Variants in MRPS23 observed in about 807,000 individuals in gnomAD.
The protein encoded by MRPS23 is small ribosomal subunit protein mS23.
Under a neutral mutation model 19.8 loss-of-function variants are expected in MRPS23, and 14 were observed. The ratio of observed to expected loss-of-function variants is 0.71; its 90% CI spans 0.47 to 1.11. The LOEUF is 1.11. Among genes scored for constraint, MRPS23 ranks in the 50% least tolerant of loss-of-function variants. MRPS23 has a pLI of 0.00. For missense variants in MRPS23, 242 were observed against 236.7 expected (o/e 1.02, Z -0.15); for synonymous variants, 113 against 89.7 (o/e 1.26, Z -1.47).
Position 57,839,615 on chromosome 17 carries a change from G to T in MRPS23, c.*168C>A. 2 of 743,114 alleles carry T rather than the reference G, an allele frequency of 2.7e-6. No individual in the cohort carries two copies. Among genetic ancestry groups the T allele is most frequent in the Non-Finnish European group, 2.0e-6 (1 of 491,170 alleles). 46.0% of individuals were successfully genotyped at this position (743,114 alleles called of 1,614,324 possible). ...CATAAAAGTTCACATAACTGCTTCT[G>T]TCAAACCATGATACTGAGCTTTGTG... On this transcript the variant is annotated 3_prime_UTR_variant, in exon 5 of 5. Coordinates refer to ENST00000313608, the MANE Select transcript of MRPS23 (RefSeq NM_016070.4).
chr17:57,849,070 C>T (rs2073794733), intron 2 of MRPS23, 170 bp downstream of exon 2: 1 of 776,256 alleles, frequency 1.3e-6, no homozygotes, highest in Non-Finnish European at 2.0e-6. Flanking sequence ...CTTTTCAGAA[C>T]TTCAGTTTCA....
At position 57,839,646 on chromosome 17, in the gene MRPS23, C is replaced by A. The variant is rs992171808; in HGVS notation, c.*137G>T. ...CCATGATACTGAGCTTTGTGACAAC[C>A]CAGAAATAACTAAGAGAAGGCAAAC... On this transcript the variant is annotated 3_prime_UTR_variant, in exon 5 of 5. Coordinates refer to ENST00000313608, the MANE Select transcript of MRPS23 (RefSeq NM_016070.4). 4.4e-6 allele frequency: 5 copies of A among 1,129,800 alleles called. No individual in the cohort carries two copies. Among genetic ancestry groups the A allele is most frequent in the Non-Finnish European group, 4.9e-6 (4 of 819,776 alleles). The allele number at this position is 1,129,800 out of a possible 1,614,324, so 70.0% of individuals were successfully genotyped here.
chr17:57,845,118 G>A (rs750704450), intron 2 of MRPS23, among the ~76,000 whole-genome samples: 2 of 152,076 alleles, frequency 1.3e-5, no homozygotes, highest in South Asian at 2.1e-4. Flanking sequence ...GGCTGGTTTC[G>A]AACTCCTGAC....
chr17:57,845,369 G>T (rs2073766053), intron 2 of MRPS23, among the ~76,000 whole-genome samples: 1 of 152,138 alleles, frequency 6.6e-6, no homozygotes. Flanking sequence ...GGGTCCCGGG[G>T]TGAAAGCCTG....
At chr17:57,846,887 C>T (rs887438842) in intron 2 of MRPS23, among the ~76,000 whole-genome samples, 2 of 147,242 alleles carry the variant, frequency 1.4e-5, no homozygotes, top group Admixed American at 6.8e-5. Flanking sequence ...TCCCCCTCTC[C>T]GAGAAACACC....
rs551233103 is a variant in MRPS23 at position 57,839,291 on chromosome 17, T to A, written c.*492A>T. On this transcript the variant is annotated 3_prime_UTR_variant, in exon 5 of 5. Transcript: ENST00000313608. ...TCTTACCACAAAGCGCAAGTCAGCT[T>A]GGCCTCTCAAGTGGAGAGATAATCG... The A allele has an allele frequency of 5.2e-5, 8 of 153,446 alleles. No homozygotes were observed. The highest frequency in any genetic ancestry group is 1.4e-4 in the African/African-American group (6 of 41,574). The allele number at this position is 153,446 out of a possible 1,614,324, so 9.5% of individuals were successfully genotyped here. A position where few individuals can be genotyped will look rare whatever the true frequency, so the allele number is the denominator to read the frequency against.
chr17:57,844,427 T>C (rs1295763473), intron 2 of MRPS23, among the ~76,000 whole-genome samples: 2 of 151,446 alleles, frequency 1.3e-5, no homozygotes, highest in African/African-American at 4.8e-5. Flanking sequence ...ATTCTGACAA[T>C]AGTAAAAAAT....
intron 2 of MRPS23, 59 bp downstream of exon 2, chr17:57,849,181 C>A: frequency 6.3e-7 from 1 of 1,576,910 alleles, no homozygotes; most frequent in Non-Finnish European, 8.6e-7. Flanking sequence ...AGACTGCTAC[C>A]GAAACCTTCC....
chr17:57,835,338 G>GTT lies in MRPS23; in HGVS notation c.*4443_*4444dup, dbSNP rs2073698542. 1 of 152,272 alleles carries GTT rather than the reference G, an allele frequency of 6.6e-6. No individual in the cohort carries two copies. Among genetic ancestry groups the GTT allele is most frequent in the Non-Finnish European group, 1.5e-5 (1 of 68,052 alleles). 9.4% of individuals were successfully genotyped at this position (152,272 alleles called of 1,614,324 possible). On this transcript the variant is annotated 3_prime_UTR_variant, in exon 5 of 5. Transcript: ENST00000313608. ...AACTGGGTGTTAGTGATGCTGCTAAGTTTTCTAGTCACTCAGGTTTGTGAC... is the reference window on the plus strand; with the variant it reads ...AACTGGGTGTTAGTGATGCTGCTAAGTTTTTTCTAGTCACTCAGGTTTGTGAC...
chr17:57,840,659 T>C, intron 4 of MRPS23: 1 of 290,358 alleles, frequency 3.4e-6, no homozygotes, highest in East Asian at 6.1e-5. Flanking sequence ...TAACAATAAA[T>C]AAATAAAATA....
chr17:57,844,151 G>T, intron 2 of MRPS23, among the ~76,000 whole-genome samples: 1 of 146,942 alleles, frequency 6.8e-6, no homozygotes, highest in Non-Finnish European at 1.5e-5. Flanking sequence ...TAAGAGATGG[G>T]GTCTTGCCAT....
At chr17:57,845,009 C>T (rs2073763716) in intron 2 of MRPS23, among the ~76,000 whole-genome samples, 1 of 151,950 alleles carries the variant, frequency 6.6e-6, no homozygotes, top group Admixed American at 6.6e-5. Context: ...GCGATCCTCC[C>T]ACCTCAGCCT....
intron 2 of MRPS23, among the ~76,000 whole-genome samples, chr17:57,843,509 T>C (rs2073753649): frequency 6.6e-6 from 1 of 152,204 alleles, no homozygotes; most frequent in African/African-American, 2.4e-5. Flanking sequence ...CCCACCAAAA[T>C]TACTATGTTG....
Position 57,841,246 on chromosome 17 carries a change from A to G in MRPS23, c.230T>C (p.Val77Ala), listed in dbSNP as rs763451548. 1.2e-6 allele frequency: 2 copies of G among 1,613,654 alleles called. No individual in the cohort carries two copies. The highest frequency in any genetic ancestry group is 1.7e-6 in the Non-Finnish European group (2 of 1,179,924). Residue 77 changes from valine (V) to alanine (A), a missense_variant, in exon 3 of 5, where the codon GTG becomes GCG. Val to Ala is a moderately conservative substitution (Grantham distance 64, BLOSUM62 0). Transcript: ENST00000313608. ...EDRIRAKFYS[V>A]YGSGQRAFDL... ...AAAAGCTCTTTGACCAGACCCATAC[A>G]CTGAATAAAACTTCCTAGAAAATGC...
At chr17:57,845,846 C>T (rs1181473542) in intron 2 of MRPS23, among the ~76,000 whole-genome samples, 1 of 152,172 alleles carries the variant, frequency 6.6e-6, no homozygotes, top group East Asian at 1.9e-4. Context: ...GATTAATAAG[C>T]AACTTATATG....
chr17:57,849,836 C>T, intron 1 of MRPS23, 131 bp downstream of exon 1: 1 of 1,077,756 alleles, frequency 9.3e-7, no homozygotes, highest in East Asian at 2.6e-5. Flanking sequence ...GAGAGGGCCT[C>T]ACCCAGCTCA....
At chr17:57,849,531 G>A in intron 1 of MRPS23, 121 bp from the exon 2 acceptor site, 4 of 1,177,238 alleles carry the variant, frequency 3.4e-6, no homozygotes, top group Admixed American at 2.6e-5. Flanking sequence ...GAACGGGGAA[G>A]GACTGCTCCC....
At chr17:57,845,486 G>A (rs1342421092) in intron 2 of MRPS23, among the ~76,000 whole-genome samples, 1 of 152,126 alleles carries the variant, frequency 6.6e-6, no homozygotes, top group Non-Finnish European at 1.5e-5. Context: ...ACACTCATTG[G>A]TATAAATATT....
rs202094314 is a variant in MRPS23, at chr17:57,849,323, G to T, written c.132C>A (p.Pro44=). Residue 44 remains proline, a synonymous_variant, in exon 2 of 5, where the codon CCC becomes CCA. Coordinates refer to ENST00000313608, the MANE Select transcript of MRPS23 (RefSeq NM_016070.4). ...VYDAFPPLRE[P]VFQRPRVRYG... Reference sequence around the variant, plus strand: ...ATCGCACTCGAGGCCTTTGGAAGACGGGCTCCCTCAGCGGGGGAAAGGCGT... The same window carrying T: ...ATCGCACTCGAGGCCTTTGGAAGACTGGCTCCCTCAGCGGGGGAAAGGCGT... 2.5e-6 allele frequency: 4 copies of T among 1,614,060 alleles called. No homozygotes were observed. Among genetic ancestry groups the T allele is most frequent in the Non-Finnish European group, 3.4e-6 (4 of 1,180,038 alleles).
Sources: gnomAD v4.1 joint callset for allele counts (sites outside exome capture counted in the v4.1 genomes callset) on GRCh38, gnomAD v4.1.1 for gene constraint, MANE v1.5 for transcripts, NCBI Gene and HGNC (gene_info 2026-07-23, HGNC 2026-07-21) for gene names.